KPNA3: variants seen among roughly 807,000 people sequenced by gnomAD.
KPNA3 encodes the protein karyopherin subunit alpha 3.
In KPNA3, 13 loss-of-function variants were observed where a neutral mutation model predicts 73.8. That is an observed-to-expected ratio of 0.18 (90% CI 0.11 to 0.28). The LOEUF (loss-of-function observed/expected upper bound fraction) is 0.28, where lower values mean the gene tolerates loss of function less well. Ranked by LOEUF, KPNA3 falls within the 10% of genes least tolerant of loss-of-function variation. The pLI, the probability that KPNA3 is intolerant of heterozygous loss-of-function variation, is 1.00. For missense variants in KPNA3, 360 were observed against 618.1 expected (o/e 0.58, Z 4.43); for synonymous variants, 186 against 206.9 (o/e 0.90, Z 0.87).
intron 1 of KPNA3, among the ~76,000 whole-genome samples, chr13:49,749,409 T>C (rs1954643897): frequency 6.6e-6 from 1 of 152,194 alleles, no homozygotes; most frequent in African/African-American, 2.4e-5. Flanking sequence ...GATATACGAA[T>C]TGACTAGAAA....
intron 1 of KPNA3, among the ~76,000 whole-genome samples, chr13:49,789,011 G>A (rs1356490918): frequency 2.0e-5 from 3 of 152,106 alleles, no homozygotes; most frequent in African/African-American, 7.2e-5. Flanking sequence ...GCCATTCCCA[G>A]TCTCAATTTT....
In KPNA3 at chr13:49,706,291, T is replaced by C; in HGVS notation, c.1114A>G (p.Met372Val). 1 of 1,614,038 alleles carries C rather than the reference T, an allele frequency of 6.2e-7. No homozygotes were observed. Among genetic ancestry groups the C allele is most frequent in the Non-Finnish European group, 8.5e-7 (1 of 1,179,938 alleles). The change falls in exon 13 of 17, where the codon ATG becomes GTG. Residue 372 changes from methionine (M) to valine (V), a missense_variant. This residue lies in a region of KPNA3 where 287 missense variants were observed against 549.1 expected (regional missense o/e 0.52). Coordinates refer to ENST00000261667, the MANE Select transcript of KPNA3 (RefSeq NM_002267.4). Reference sequence around the variant, plus strand: ...ACCTTAGCAAGCTGATGAATTATCATAGGAATTAATCCAGCATCTATTACA... The same window carrying C: ...ACCTTAGCAAGCTGATGAATTATCACAGGAATTAATCCAGCATCTATTACA... Reference protein sequence around the residue: ...QAVIDAGLIPMIIHQLAKGDF... With the variant: ...QAVIDAGLIPVIIHQLAKGDF...
chr13:49,700,468 T>C lies in KPNA3; in HGVS notation c.*1332A>G, dbSNP rs920733657. On this transcript the variant is annotated 3_prime_UTR_variant, in exon 17 of 17. Transcript: ENST00000261667. ...TCATTAATAACTGGGTCAGACAATTTACCAAAAGCAATAACTTGACATAGT... is the reference window on the plus strand; with the variant it reads ...TCATTAATAACTGGGTCAGACAATTCACCAAAAGCAATAACTTGACATAGT... 2 of 152,654 alleles carry C rather than the reference T, an allele frequency of 1.3e-5. No homozygotes were observed. Among genetic ancestry groups the C allele is most frequent in the Non-Finnish European group, 2.9e-5 (2 of 68,042 alleles). The allele number at this position is 152,654 out of a possible 1,614,324, so 9.5% of individuals were successfully genotyped here.
intron 1 of KPNA3, among the ~76,000 whole-genome samples, chr13:49,766,236 C>T (rs1341199157): frequency 1.3e-5 from 2 of 152,140 alleles, no homozygotes; most frequent in Non-Finnish European, 2.9e-5. Flanking sequence ...AATGCCATTA[C>T]TTTTCCTGTC....
intron 15 of KPNA3, among the ~76,000 whole-genome samples, chr13:49,705,367 A>G (rs7983369): frequency 0.017 from 2,585 of 152,176 alleles, 63 homozygotes; most frequent in African/African-American, 0.059. Context: ...TCCAAAAAAA[A>G]AAAAAAAAGC....
chr13:49,733,282 GTTTT>G (rs760449062), intron 2 of KPNA3, among the ~76,000 whole-genome samples: 1 of 100,916 alleles, frequency 9.9e-6, no homozygotes. Context: ...CCACTGTGGT[GTTTT>G]TTTTTTTTTT....
intron 15 of KPNA3, among the ~76,000 whole-genome samples, chr13:49,704,357 A>T (rs780599756): frequency 5.9e-5 from 9 of 151,524 alleles, no homozygotes; most frequent in Non-Finnish European, 1.3e-4. Flanking sequence ...CGGGAGACGG[A>T]GGTTGCGGTG....
chr13:49,725,218 CTCT>C (rs1479866187), intron 7 of KPNA3, among the ~76,000 whole-genome samples, 195 bp downstream of exon 7: 5 of 152,284 alleles, frequency 3.3e-5, no homozygotes, highest in African/African-American at 7.2e-5. Context: ...TAAAACTCTA[CTCT>C]TCTTTTAATA....
intron 2 of KPNA3, among the ~76,000 whole-genome samples, chr13:49,736,346 T>G (rs940679540): frequency 1.3e-5 from 2 of 152,206 alleles, no homozygotes; most frequent in African/African-American, 2.4e-5. Context: ...GTGTTATGCT[T>G]TGATTAAAAC....
intron 7 of KPNA3, among the ~76,000 whole-genome samples, chr13:49,724,745 C>T (rs1161164728): frequency 3.3e-5 from 5 of 152,142 alleles, no homozygotes; most frequent in South Asian, 2.1e-4. Flanking sequence ...TATAGGCATG[C>T]GCCACCATGC....
chr13:49,735,251 T>C (rs1954511510), intron 2 of KPNA3, among the ~76,000 whole-genome samples: 2 of 152,174 alleles, frequency 1.3e-5, no homozygotes, highest in Admixed American at 1.3e-4. Context: ...GCCTCCTGAA[T>C]AGCTGGGATT....
intron 6 of KPNA3, among the ~76,000 whole-genome samples, chr13:49,728,472 T>A (rs112166174): frequency 0.024 from 3,582 of 152,288 alleles, 57 homozygotes; most frequent in Non-Finnish European, 0.037. Context: ...AAAACCATTG[T>A]GCCCAGATAA....
At chr13:49,729,143 T>C (rs1422825854) in intron 6 of KPNA3, among the ~76,000 whole-genome samples, 2 of 152,202 alleles carry the variant, frequency 1.3e-5, no homozygotes, top group East Asian at 1.9e-4. Context: ...CTTTCATATA[T>C]TTTATTGTCT....
chr13:49,745,485 G>A (rs375005968), intron 2 of KPNA3, among the ~76,000 whole-genome samples: 4 of 151,280 alleles, frequency 2.6e-5, no homozygotes, highest in African/African-American at 7.3e-5. Context: ...TCAGCCTCCC[G>A]AGTAGCTGGA....
Position 49,763,850 on chromosome 13 carries a change from T to C in KPNA3, c.70-16857A>G, listed in dbSNP as rs1385994216. ...GGGAGGCTGAGGTGGGAGGAGTGTT[T>C]CAGCCCAGGAGTTCAAGAACAGGCT... On this transcript the variant is annotated intron_variant, in intron 1 of 16. Coordinates refer to ENST00000261667, the MANE Select transcript of KPNA3 (RefSeq NM_002267.4). Among the ~76,000 whole-genome samples the C allele has an allele frequency of 2.6e-5, 4 of 152,300 alleles. No individual in the cohort carries two copies. The East Asian group carries it at 7.7e-4, about 29-fold the overall frequency.
At chr13:49,733,609 T>C (rs2137556089) in intron 2 of KPNA3, among the ~76,000 whole-genome samples, 1 of 152,284 alleles carries the variant, frequency 6.6e-6, no homozygotes, top group South Asian at 2.1e-4. Context: ...AGTTTGCTCA[T>C]ACTTAAATTG....
At chr13:49,779,526 A>G (rs1954924463) in intron 1 of KPNA3, among the ~76,000 whole-genome samples, 1 of 151,960 alleles carries the variant, frequency 6.6e-6, no homozygotes, top group South Asian at 2.1e-4. Context: ...CTTCCCCAAC[A>G]ACTCCCTACT....
At chr13:49,766,193 G>A (rs1207701769) in intron 1 of KPNA3, among the ~76,000 whole-genome samples, 1 of 152,148 alleles carries the variant, frequency 6.6e-6, no homozygotes, top group African/African-American at 2.4e-5. Context: ...TCCCTTTTCT[G>A]TCTACAGGTT....
intron 1 of KPNA3, among the ~76,000 whole-genome samples, chr13:49,784,737 A>C (rs1954967937): frequency 6.6e-6 from 1 of 152,204 alleles, no homozygotes; most frequent in Non-Finnish European, 1.5e-5. Flanking sequence ...AAAAATACAC[A>C]TGGGAAAAAT....
Sources: allele counts gnomAD v4.1 joint callset (sites outside exome capture counted in the v4.1 genomes callset), GRCh38; gene constraint gnomAD v4.1.1; regional missense constraint gnomAD v4.1.1; transcripts MANE v1.5; gene names NCBI Gene and HGNC (gene_info 2026-07-23, HGNC 2026-07-21).